Variants in IPMK observed in about 807,000 individuals in gnomAD.
The protein encoded by IPMK is inositol polyphosphate multikinase, also known as inositol 1,3,4,6-tetrakisphosphate 5-kinase.
In IPMK, 17 loss-of-function variants were observed where a neutral mutation model predicts 45.8. The observed-to-expected ratio is 0.37, with a 90% CI of 0.25 to 0.56. IPMK has a LOEUF of 0.56. IPMK is among the 20% of genes least tolerant of loss of function. The pLI is 0.79. For synonymous variants in IPMK, 180 were observed against 184.3 expected (o/e 0.98, Z 0.19); for missense variants, 399 against 498.0 (o/e 0.80, Z 1.89).
intron 2 of IPMK, among the ~76,000 whole-genome samples, chr10:58,234,557 C>A (rs895483844): frequency 1.3e-5 from 2 of 152,122 alleles, no homozygotes; most frequent in African/African-American, 2.4e-5. Context: ...CAAAAACAAG[C>A]AATGGGGAAA....
intron 1 of IPMK, among the ~76,000 whole-genome samples, chr10:58,242,333 G>A (rs1564536976): frequency 2.6e-5 from 4 of 152,082 alleles, no homozygotes; most frequent in East Asian, 1.9e-4. Context: ...TGTGGCGGAC[G>A]CCTGTAGTCT....
intron 1 of IPMK, among the ~76,000 whole-genome samples, chr10:58,253,872 C>A (rs1344169092): frequency 6.6e-6 from 1 of 152,108 alleles, no homozygotes; most frequent in African/African-American, 2.4e-5. Context: ...CTCTCCTGGC[C>A]TTCAGGGTTT....
intron 1 of IPMK, among the ~76,000 whole-genome samples, chr10:58,263,881 G>T (rs989107210): frequency 6.6e-6 from 1 of 152,156 alleles, no homozygotes; most frequent in African/African-American, 2.4e-5. Flanking sequence ...AAAATAACTG[G>T]CCTGTACTCT....
At chr10:58,240,392 G>C (rs1172311070) in intron 1 of IPMK, among the ~76,000 whole-genome samples, 2 of 151,310 alleles carry the variant, frequency 1.3e-5, no homozygotes. Flanking sequence ...AAAATGTATA[G>C]AGCATTAGAA....
In IPMK at chr10:58,196,243, G is replaced by A; in HGVS notation, c.1084C>T (p.Leu362=). 1 of 1,614,102 alleles carries A rather than the reference G, an allele frequency of 6.2e-7. No individual in the cohort carries two copies. The highest frequency in any genetic ancestry group is 1.3e-5 in the African/African-American group (1 of 75,050). The change falls in exon 6 of 6, where the codon CTG becomes TTG. Residue 362 remains leucine, a synonymous_variant. Transcript: ENST00000373935. The part of the protein sequence containing the change: ...EHLNGNVLSQ[L]EKVFYHLPTG... Reference sequence around the variant, plus strand: ...GGAAGATGGTAGAAAACTTTTTCCAGTTGGGAAAGTACATTTCCATTTAAA... The same window carrying A: ...GGAAGATGGTAGAAAACTTTTTCCAATTGGGAAAGTACATTTCCATTTAAA...
At chr10:58,206,355 T>TA (rs773063916) in intron 4 of IPMK, among the ~76,000 whole-genome samples, 3 of 152,168 alleles carry the variant, frequency 2.0e-5, no homozygotes, top group Non-Finnish European at 2.9e-5. Context: ...GCAGAAGTGG[T>TA]AAAAAATACT....
intron 2 of IPMK, among the ~76,000 whole-genome samples, chr10:58,236,660 T>G (rs1363338950): frequency 6.6e-6 from 1 of 152,108 alleles, no homozygotes; most frequent in African/African-American, 2.4e-5. Flanking sequence ...ATCACAGAAC[T>G]TTGGGAGGCA....
chr10:58,261,000 T>C (rs931595230), intron 1 of IPMK, among the ~76,000 whole-genome samples: 4 of 151,540 alleles, frequency 2.6e-5, no homozygotes. Context: ...TGAAGACTTA[T>C]TATAAAATAA....
At chr10:58,244,269 G>C (rs7911493) in intron 1 of IPMK, among the ~76,000 whole-genome samples, 128,904 of 130,986 alleles carry the variant, frequency 0.98, 63,420 homozygotes, top group East Asian at 0.99. Flanking sequence ...TGGGGAGCGC[G>C]TCTGCCCAGC....
In IPMK at chr10:58,196,296, T is replaced by C. The variant is rs146242677; in HGVS notation, c.1031A>G (p.Asn344Ser). ...TTCCTGTGACATGCTTTTCCACCCA[T>C]TGTCTTGCTCCAGATTTTCAACTTT... The part of the protein sequence containing the change: ...SLKVENLEQD[N>S]GWKSMSQEHL... Residue 344 changes from asparagine to serine, a missense_variant, in exon 6 of 6, where the codon AAT (asparagine) becomes AGT (serine). Coordinates refer to ENST00000373935, the MANE Select transcript of IPMK (RefSeq NM_152230.5). 4.3e-6 allele frequency: 7 copies of C among 1,614,070 alleles called. No individual in the cohort carries two copies. Among genetic ancestry groups the C allele is most frequent in the Non-Finnish European group, 5.9e-6 (7 of 1,180,026 alleles).
chr10:58,261,877 G>C (rs1050239993), intron 1 of IPMK, among the ~76,000 whole-genome samples: 1 of 152,120 alleles, frequency 6.6e-6, no homozygotes, highest in Non-Finnish European at 1.5e-5. Context: ...AGTAATTTTT[G>C]AACACAGTTT....
chr10:58,233,261 A>C (rs1166463928), intron 2 of IPMK, among the ~76,000 whole-genome samples: 1 of 152,210 alleles, frequency 6.6e-6, no homozygotes, highest in Non-Finnish European at 1.5e-5. Context: ...AGCTGGTACC[A>C]TTCCTTCTAA....
intron 1 of IPMK, among the ~76,000 whole-genome samples, chr10:58,248,541 CATTT>C (rs1437223857): frequency 2.0e-5 from 3 of 152,162 alleles, no homozygotes; most frequent in Non-Finnish European, 2.9e-5. Context: ...ACACATAATT[CATTT>C]GTGTTGGGAA....
chr10:58,250,030 T>G (rs946875462), intron 1 of IPMK, among the ~76,000 whole-genome samples: 2 of 152,222 alleles, frequency 1.3e-5, no homozygotes, highest in Non-Finnish European at 2.9e-5. Context: ...CACTATTACG[T>G]TCCATTAGAC....
At chr10:58,211,919 A>AAAAATAAAAAAT (rs1838170717) in intron 4 of IPMK, among the ~76,000 whole-genome samples, 14 of 148,188 alleles carry the variant, frequency 9.4e-5, no homozygotes, top group African/African-American at 3.1e-4. Context: ...AAAAAAAAAA[A>AAAAATAAAAAAT]AAAAAATTTG....
chr10:58,227,234 A>C, intron 2 of IPMK, 95 bp from the exon 3 acceptor site: 1 of 918,442 alleles, frequency 1.1e-6, no homozygotes, highest in African/African-American at 1.7e-5. Flanking sequence ...ATTATAATTC[A>C]TCTGGTATGG....
chr10:58,216,855 G>C (rs1838251158), intron 3 of IPMK, among the ~76,000 whole-genome samples: 1 of 152,068 alleles, frequency 6.6e-6, no homozygotes, highest in African/African-American at 2.4e-5. Context: ...CACGAATCTT[G>C]CTTTTTATTT....
chr10:58,195,173 T>C lies in IPMK; in HGVS notation c.*903A>G, dbSNP rs1432750309. 6.6e-6 allele frequency: 1 copy of C among 151,996 alleles called. No homozygotes were observed. The highest frequency in any genetic ancestry group is 2.4e-5 in the African/African-American group (1 of 41,434). 9.4% of individuals were successfully genotyped at this position (151,996 alleles called of 1,614,324 possible). On this transcript the variant is annotated 3_prime_UTR_variant, in exon 6 of 6. Transcript: ENST00000373935. Reference sequence around the variant, plus strand: ...AACTAAATGGGGACATATAAATACATAAATTTTTAAAGAAAAAAATTCAAG... The same window carrying C: ...AACTAAATGGGGACATATAAATACACAAATTTTTAAAGAAAAAAATTCAAG...
chr10:58,223,322 TCTTGATA>T (rs1236398647), intron 3 of IPMK, among the ~76,000 whole-genome samples: 1 of 152,112 alleles, frequency 6.6e-6, no homozygotes, highest in African/African-American at 2.4e-5. Context: ...CTACTGCTAG[TCTTGATA>T]CCCTAAGAAA....
Sources: gnomAD v4.1 joint callset for allele counts (sites outside exome capture counted in the v4.1 genomes callset) on GRCh38, gnomAD v4.1.1 for gene constraint, MANE v1.5 for transcripts, NCBI Gene and HGNC (gene_info 2026-07-23, HGNC 2026-07-21) for gene names.